The following RBMS3 variants were observed in gnomAD, a reference collection of about 807,000 sequenced individuals.
The protein encoded by RBMS3 is RNA-binding motif, single-stranded-interacting protein 3.
A neutral mutation model predicts 66.8 loss-of-function variants in RBMS3; 27 were observed. That is an observed-to-expected ratio of 0.40 (90% CI 0.30 to 0.56). RBMS3 has a LOEUF of 0.56. RBMS3 is among the 20% of genes least tolerant of loss of function. RBMS3 has a pLI of 0.40. For synonymous variants in RBMS3, 188 were observed against 183.0 expected, an observed-to-expected ratio of 1.03 and a Z score of -0.22; for missense variants, 513 against 549.5, an observed-to-expected ratio of 0.93 and a Z score of 0.66.
At chr3:29,934,186 C>T (rs1414630939) in intron 10 of RBMS3, 1 of 151,932 alleles carries the variant, frequency 6.6e-6, no homozygotes, top group East Asian at 1.9e-4. Context: ...GACAGTTTAG[C>T]TGCATGTTGG....
chr3:29,948,353 T>C (rs1695456118), intron 12 of RBMS3, among the ~76,000 whole-genome samples: 1 of 151,716 alleles, frequency 6.6e-6, no homozygotes, highest in African/African-American at 2.4e-5. Context: ...AATTTGGAAT[T>C]TGTGATGTCC....
intron 3 of RBMS3, among the ~76,000 whole-genome samples, chr3:29,520,154 A>G (rs563255330): frequency 6.6e-6 from 1 of 152,292 alleles, no homozygotes; most frequent in Non-Finnish European, 1.5e-5. Context: ...CAAGGAGCCA[A>G]GTGTAGCTAC....
At chr3:29,463,486 G>A (rs986611609) in intron 2 of RBMS3, among the ~76,000 whole-genome samples, 8 of 151,858 alleles carry the variant, frequency 5.3e-5, no homozygotes, top group African/African-American at 1.2e-4. Context: ...ATAGAATCTC[G>A]CCATTGCTCC....
chr3:29,934,740 C>T (rs892120277), intron 10 of RBMS3, among the ~76,000 whole-genome samples: 18 of 151,842 alleles, frequency 1.2e-4, no homozygotes, highest in African/African-American at 4.4e-4. Context: ...CAAAGCTGGC[C>T]CTGTATATCA....
intron 3 of RBMS3, among the ~76,000 whole-genome samples, chr3:29,492,359 TG>T (rs1462928762): frequency 6.6e-6 from 1 of 152,046 alleles, no homozygotes; most frequent in Non-Finnish European, 1.5e-5. Flanking sequence ...TATAGAAAAT[TG>T]TGTATAATTG....
At chr3:29,827,183 G>T (rs1389483455) in intron 6 of RBMS3, among the ~76,000 whole-genome samples, 1 of 152,120 alleles carries the variant, frequency 6.6e-6, no homozygotes, top group Non-Finnish European at 1.5e-5. Context: ...AATTGCTAAA[G>T]AACCCTCCAT....
chr3:29,790,174 C>T (rs11914845), intron 6 of RBMS3, among the ~76,000 whole-genome samples: 47,634 of 151,982 alleles, frequency 0.31, 8,275 homozygotes, highest in African/African-American at 0.46. Flanking sequence ...AGAGAAAATA[C>T]TTTTTGCTCA....
At chr3:29,763,901 C>G (rs549159031) in intron 6 of RBMS3, among the ~76,000 whole-genome samples, 8 of 152,138 alleles carry the variant, frequency 5.3e-5, no homozygotes, top group South Asian at 2.1e-4. Context: ...TCAGAGGAGA[C>G]TAAGGCGACT....
rs771976461 is a variant in RBMS3, at chr3:29,815,951, G to GA, written c.638-52897dup. ...AAACTATTGAAATAAAAATAAAAAGGAAAAAAAAAAGAAGAGAGGGTTATG... is the reference window on the plus strand; with the variant it reads ...AAACTATTGAAATAAAAATAAAAAGGAAAAAAAAAAAGAAGAGAGGGTTATG... On this transcript the variant is annotated intron_variant, in intron 6 of 14. Coordinates refer to ENST00000383767, the MANE Select transcript of RBMS3 (RefSeq NM_001003793.3). Among the ~76,000 whole-genome samples, 1,076 of 138,580 alleles carry GA rather than the reference G, an allele frequency of 7.8e-3. 9 individuals carry two copies. Among genetic ancestry groups the GA allele is most frequent in the African/African-American group, 0.029 (986 of 34,116 alleles). 90.9% of individuals were successfully genotyped at this position (138,580 alleles called of 152,430 possible). A position where few individuals can be genotyped will look rare whatever the true frequency, so the allele number is the denominator to read the frequency against.
chr3:29,941,443 T>C (rs2061391206), intron 11 of RBMS3, among the ~76,000 whole-genome samples: 1 of 151,734 alleles, frequency 6.6e-6, no homozygotes, highest in African/African-American at 2.4e-5. Context: ...AATGGGTACA[T>C]CTAAAATAGT....
intron 12 of RBMS3, among the ~76,000 whole-genome samples, chr3:29,978,663 A>C (rs942617659): frequency 3.9e-5 from 6 of 152,066 alleles, no homozygotes; most frequent in African/African-American, 1.4e-4. Flanking sequence ...GGAAAAAACA[A>C]AAAAAAACTA....
rs571247155 is a variant in RBMS3 at position 29,383,518 on chromosome 3, T to C, written c.76-51225T>C. On this transcript the variant is annotated intron_variant, in intron 1 of 14. Transcript: ENST00000383767. ...TGCCAAGAAGGGTAAAAAAAATCAA[T>C]GCAGATGGCTAGTTAAGTTTATTGT... Among the ~76,000 whole-genome samples, 8 of 152,342 alleles carry C rather than the reference T, an allele frequency of 5.3e-5. No homozygotes were observed. In the East Asian group the frequency reaches 1.4e-3, roughly 26 times the overall value.
chr3:29,575,704 G>A (rs2047096452), intron 3 of RBMS3, among the ~76,000 whole-genome samples: 1 of 151,182 alleles, frequency 6.6e-6, no homozygotes, highest in Non-Finnish European at 1.5e-5. Flanking sequence ...ACTCTTTTTT[G>A]TCCCCTCTGA....
chr3:29,683,248 A>G (rs2051573204), intron 4 of RBMS3, among the ~76,000 whole-genome samples: 1 of 152,172 alleles, frequency 6.6e-6, no homozygotes, highest in Non-Finnish European at 1.5e-5. Flanking sequence ...ATCATTTTCA[A>G]TGACTCAATT....
intron 7 of RBMS3, among the ~76,000 whole-genome samples, chr3:29,875,089 A>G (rs1233032877): frequency 2.6e-5 from 4 of 152,184 alleles, no homozygotes; most frequent in Admixed American, 1.3e-4. Flanking sequence ...TCCATGTACC[A>G]TGATTGGGTC....
intron 1 of RBMS3, among the ~76,000 whole-genome samples, chr3:29,380,340 C>A (rs1446737171): frequency 6.6e-6 from 1 of 152,002 alleles, no homozygotes; most frequent in Non-Finnish European, 1.5e-5. Context: ...TGGTTATTGG[C>A]ATGGCAAGGA....
intron 1 of RBMS3, among the ~76,000 whole-genome samples, chr3:29,286,498 C>A (rs1203484768): frequency 6.6e-6 from 1 of 151,944 alleles, no homozygotes; most frequent in Admixed American, 6.6e-5. Context: ...AGGAAAATAT[C>A]ATGTATATTT....
At chr3:29,879,875 C>G (rs922293511) in intron 7 of RBMS3, among the ~76,000 whole-genome samples, 1 of 152,038 alleles carries the variant, frequency 6.6e-6, no homozygotes, top group African/African-American at 2.4e-5. Flanking sequence ...TCAACTAAGA[C>G]CAAGCATTGC....
intron 12 of RBMS3, among the ~76,000 whole-genome samples, chr3:29,953,392 A>G (rs1469005627): frequency 6.6e-6 from 1 of 151,918 alleles, no homozygotes; most frequent in Non-Finnish European, 1.5e-5. Context: ...CTTGTCTGAA[A>G]ATTGTTGATA....
Sources: gnomAD v4.1 joint callset for allele counts (sites outside exome capture counted in the v4.1 genomes callset) on GRCh38, gnomAD v4.1.1 for gene constraint, MANE v1.5 for transcripts, NCBI Gene and HGNC (gene_info 2026-07-23, HGNC 2026-07-21) for gene names.